The following BRI3 variants were observed in gnomAD, a reference collection of about 807,000 sequenced individuals.
BRI3 encodes the protein membrane protein BRI3.
BRI3 carries 6 observed loss-of-function variants against 12.8 expected under a neutral mutation model. That is an observed-to-expected ratio of 0.47 (90% confidence interval 0.26 to 0.93). BRI3 has a LOEUF of 0.93. Among genes scored for constraint, BRI3 ranks in the 40% least tolerant of loss-of-function variants. The pLI is 0.15. For missense variants in BRI3, 134 were observed against 171.1 expected (o/e 0.78, Z 1.21); for synonymous variants, 91 against 76.1 (o/e 1.20, Z -1.02).
downstream of BRI3, chr7:98,293,095 C>G (rs1272206009): frequency 4.0e-6 from 2 of 502,108 alleles, no homozygotes; most frequent in Non-Finnish European, 5.4e-6. Flanking sequence ...TACGTGATAT[C>G]TTCTTTAGAC....
At chr7:98,299,535 T>G (rs532354738) in intron 1 of BRI3, among the ~76,000 whole-genome samples, 99 of 152,086 alleles carry the variant, frequency 6.5e-4, no homozygotes, top group South Asian at 8.3e-4. Context: ...TTTTTATATA[T>G]AGAGAGAGAT....
chr7:98,302,677 G>A (rs574565120), upstream of BRI3, among the ~76,000 whole-genome samples: 2 of 152,342 alleles, frequency 1.3e-5, no homozygotes, highest in South Asian at 4.1e-4. Flanking sequence ...AGACTGCTAA[G>A]GACAAGAGGC....
chr7:98,306,399 G>T, upstream of BRI3: 2 of 1,609,172 alleles, frequency 1.2e-6, no homozygotes, highest in Non-Finnish European at 1.7e-6. Flanking sequence ...CAAGGCAGGG[G>T]TTTCTGTCAC....
At chr7:98,321,894 G>A in the BRI3 span, among the ~76,000 whole-genome samples, 18 of 152,178 alleles carry the variant, frequency 1.2e-4, no homozygotes, top group African/African-American at 3.9e-4. Flanking sequence ...TAAGGAGTTC[G>A]AGACCATCCT....
upstream of BRI3, among the ~76,000 whole-genome samples, chr7:98,304,769 G>A (rs111625863): frequency 1.6e-4 from 25 of 151,788 alleles, 1 homozygote; most frequent in African/African-American, 6.0e-4. Context: ...GGCTGGTCTT[G>A]AACTCCTGAC....
At chr7:98,283,254 G>A (rs566414164) in intron 2 of BRI3, among the ~76,000 whole-genome samples, 1 of 152,256 alleles carries the variant, frequency 6.6e-6, no homozygotes, top group Non-Finnish European at 1.5e-5. Flanking sequence ...AAGCCACTGA[G>A]ATGGAATTAA....
At chr7:98,314,965 T>C (rs951695966), downstream of BRI3, among the ~76,000 whole-genome samples, 11 of 152,366 alleles carry the variant, frequency 7.2e-5, no homozygotes, top group African/African-American at 2.6e-4. Context: ...TTAAACATTA[T>C]ACATGGACGT....
chr7:98,292,152 C>T (rs1395208286), downstream of BRI3: 1 of 156,118 alleles, frequency 6.4e-6, no homozygotes, highest in African/African-American at 2.4e-5. Flanking sequence ...ACTGGCTTAC[C>T]TGCATGTAAC....
downstream of BRI3, chr7:98,310,526 C>T (rs1379482216): frequency 1.2e-6 from 2 of 1,603,242 alleles, no homozygotes; most frequent in East Asian, 2.2e-5. Context: ...CTGGTATATG[C>T]TCTGCCTGAA....
chr7:98,305,321 TA>T (rs10708312), upstream of BRI3, among the ~76,000 whole-genome samples: 85,431 of 148,052 alleles, frequency 0.58, 25,056 homozygotes, highest in Middle Eastern at 0.74. Flanking sequence ...AGCTAAGAGT[TA>T]AAAAAAAAAA....
chr7:98,320,949 T>G, the BRI3 span, among the ~76,000 whole-genome samples: 4 of 152,308 alleles, frequency 2.6e-5, no homozygotes, highest in African/African-American at 9.6e-5. Flanking sequence ...CTCCACCTCC[T>G]GGGTTCAAGT....
chr7:98,295,638 C>T (rs1800159248), downstream of BRI3, among the ~76,000 whole-genome samples: 1 of 152,108 alleles, frequency 6.6e-6, no homozygotes, highest in Non-Finnish European at 1.5e-5. Flanking sequence ...TCCACTCTGC[C>T]CTCCCCTCCT....
downstream of BRI3, among the ~76,000 whole-genome samples, chr7:98,296,939 T>C (rs898328797): frequency 6.6e-6 from 1 of 152,214 alleles, no homozygotes; most frequent in African/African-American, 2.4e-5. Context: ...TCACTGAACA[T>C]AGACCTGCCC....
rs1444277378 is a variant in BRI3 at position 98,291,441 on chromosome 7, A to G, written c.*198A>G. ...CCCGCCCGAGGCTCATGACAACTCA[A>G]TAAAGCACTGCTTTTATTTTTTGCA... On this transcript the variant is annotated 3_prime_UTR_variant, in exon 3 of 3. Coordinates refer to ENST00000297290, the MANE Select transcript of BRI3 (RefSeq NM_015379.5). The G allele has an allele frequency of 8.6e-6, 12 of 1,398,696 alleles. No individual in the cohort carries two copies. Among genetic ancestry groups the G allele is most frequent in the African/African-American group, 7.3e-5 (5 of 68,740 alleles). 86.6% of individuals were successfully genotyped at this position (1,398,696 alleles called of 1,614,324 possible). A position where few individuals can be genotyped will look rare whatever the true frequency, so the allele number is the denominator to read the frequency against.
At chr7:98,290,985 A>G in intron 2 of BRI3, 126 bp from the exon 3 acceptor site, 1 of 1,122,530 alleles carries the variant, frequency 8.9e-7, no homozygotes, top group South Asian at 1.5e-5. Flanking sequence ...GTTTTCTGTC[A>G]CTCGCCAGAG....
At chr7:98,290,961 T>C in intron 2 of BRI3, 150 bp from the exon 3 acceptor site, 2 of 838,056 alleles carry the variant, frequency 2.4e-6, no homozygotes, top group Non-Finnish European at 3.8e-6. Context: ...AGCTGGGTGG[T>C]GGGGTGGGGG....
rs577018199 is a variant in BRI3, at chr7:98,307,231, G to A, written n.145-284G>A. ...AGGTTCAATCCTGCCTCAGCCTCCC[G>A]AGTAGCTGGGATTACAGGCGCCTGC... On this transcript the variant is annotated intron_variant and non_coding_transcript_variant, in intron 1 of 1. Coordinates refer to the BRI3 transcript ENST00000485422. 7 of 240,144 alleles carry A rather than the reference G, an allele frequency of 2.9e-5. No homozygotes were observed. The East Asian group carries it at 6.7e-4, about 23-fold the overall frequency. 14.9% of individuals were successfully genotyped at this position (240,144 alleles called of 1,614,324 possible).
At chr7:98,312,006 G>A, downstream of BRI3, 1 of 1,290,840 alleles carries the variant, frequency 7.7e-7, no homozygotes, top group Non-Finnish European at 1.1e-6. Flanking sequence ...AATAAAGGGG[G>A]ACCTGTGATT....
downstream of BRI3, chr7:98,312,041 C>T (rs1800892376): frequency 6.6e-7 from 1 of 1,517,628 alleles, no homozygotes; most frequent in Admixed American, 2.1e-5. Flanking sequence ...CAAATTTGGC[C>T]CAGATCAAGT....
Sources: gnomAD v4.1 joint callset for allele counts (sites outside exome capture counted in the v4.1 genomes callset) on GRCh38, gnomAD v4.1.1 for gene constraint, MANE v1.5 for transcripts, NCBI Gene and HGNC (gene_info 2026-07-23, HGNC 2026-07-21) for gene names.